The following HMGXB3 variants were observed in gnomAD, a reference collection of about 807,000 sequenced individuals.
HMGXB3 encodes HMG-box containing 3.
HMGXB3 carries 45 observed loss-of-function variants against 121.5 expected under a neutral mutation model. That is an observed-to-expected ratio of 0.37 (90% CI 0.29 to 0.47). The LOEUF is 0.47. HMGXB3 is among the 20% of genes least tolerant of loss of function. The pLI, the probability that HMGXB3 is intolerant of heterozygous loss-of-function variation, is 0.99. For synonymous variants in HMGXB3, 590 were observed against 624.1 expected (o/e 0.95, Z 0.81); for missense variants, 1,376 against 1,602.2 (o/e 0.86, Z 2.41).
rs1755657095 is a variant in HMGXB3, at chr5:150,004,800, C to T, written c.-2-51C>T. 2.3e-6 allele frequency: 3 copies of T among 1,295,588 alleles called. No homozygotes were observed. In the Admixed American group the frequency reaches 7.0e-5, roughly 30 times the overall value. The allele number at this position is 1,295,588 out of a possible 1,614,324, so 80.3% of individuals were successfully genotyped here. A position where few individuals can be genotyped will look rare whatever the true frequency, so the allele number is the denominator to read the frequency against. ...GGTTATTTGATCAGGAAGCTGCTGC[C>T]CCTCTTAGGGGAGATTCTGGAAACT... On this transcript the variant is annotated intron_variant, in intron 1 of 19. Transcript: ENST00000502717.
intron 7 of HMGXB3, among the ~76,000 whole-genome samples, chr5:150,026,138 C>CTT (rs60537571): frequency 2.0e-5 from 3 of 151,962 alleles, no homozygotes; most frequent in Admixed American, 6.6e-5. Context: ...CCCCATCTTG[C>CTT]TTTTTTTAAA....
At chr5:150,018,514 A>G in intron 5 of HMGXB3, 52 bp from the exon 6 acceptor site, 1 of 1,411,184 alleles carries the variant, frequency 7.1e-7, no homozygotes, top group Admixed American at 2.7e-5. Context: ...TATAGTGGTC[A>G]TCAGTCTGAG....
intron 16 of HMGXB3, among the ~76,000 whole-genome samples, chr5:150,047,239 C>G (rs1056955318): frequency 6.6e-6 from 1 of 152,112 alleles, no homozygotes. Context: ...TTCTCTTGTG[C>G]TAGCCAGGTT....
At chr5:150,038,237 G>A (rs1175992230) in intron 13 of HMGXB3, among the ~76,000 whole-genome samples, 3 of 152,156 alleles carry the variant, frequency 2.0e-5, no homozygotes, top group African/African-American at 4.8e-5. Flanking sequence ...AGTTTTGTTT[G>A]TAGAATTGAG....
intron 9 of HMGXB3, among the ~76,000 whole-genome samples, chr5:150,027,458 C>A (rs1313440106): frequency 6.6e-6 from 1 of 152,156 alleles, no homozygotes; most frequent in East Asian, 1.9e-4. Flanking sequence ...GTCCCCCCAC[C>A]ATATGTGGGT....
intron 5 of HMGXB3, chr5:150,015,283 T>C (rs185327552): frequency 3.1e-3 from 495 of 161,188 alleles, no homozygotes; most frequent in Non-Finnish European, 3.4e-3. Flanking sequence ...AAAACCTTTC[T>C]TTTCTTTTCT....
At chr5:150,020,596 C>CT (rs556921292) in intron 6 of HMGXB3, among the ~76,000 whole-genome samples, 17 of 148,788 alleles carry the variant, frequency 1.1e-4, no homozygotes, top group South Asian at 2.2e-4. Context: ...TTTGAAATAA[C>CT]TTTTTTTTTT....
At chr5:150,025,097 A>G (rs1756196155) in intron 7 of HMGXB3, among the ~76,000 whole-genome samples, 1 of 152,162 alleles carries the variant, frequency 6.6e-6, no homozygotes, top group Non-Finnish European at 1.5e-5. Flanking sequence ...GACTTTGGGC[A>G]TTGTCACTTC....
chr5:150,001,411 G>T (rs1257798453), intron 1 of HMGXB3, among the ~76,000 whole-genome samples: 1 of 152,242 alleles, frequency 6.6e-6, no homozygotes, highest in Non-Finnish European at 1.5e-5. Context: ...AAAGGAGCTA[G>T]CCCAGAGTCA....
chr5:150,018,050 G>A (rs1401403567), intron 5 of HMGXB3, among the ~76,000 whole-genome samples: 2 of 152,108 alleles, frequency 1.3e-5, no homozygotes, highest in East Asian at 1.9e-4. Flanking sequence ...CAGGTCCTTG[G>A]TTGTCTGAAG....
chr5:150,018,496 G>T (rs1756009440), intron 5 of HMGXB3, 70 bp from the exon 6 acceptor site: 1 of 1,278,398 alleles, frequency 7.8e-7, no homozygotes, highest in Admixed American at 3.3e-5. Flanking sequence ...TCCTGGTGTT[G>T]CTGTGATTAT....
chr5:150,012,367 G>A lies in HMGXB3; in HGVS notation c.909+14G>A. ...TCCATCAAACTGGTCAGTACTGTAT[G>A]TGGGGGATTGATGGCAATTAGGGTG... On this transcript the variant is annotated intron_variant, in intron 5 of 19. Transcript: ENST00000502717. 6.6e-7 allele frequency: 1 copy of A among 1,526,300 alleles called. No individual in the cohort carries two copies. Among genetic ancestry groups the A allele is most frequent in the East Asian group, 2.5e-5 (1 of 40,802 alleles). 94.5% of individuals were successfully genotyped at this position (1,526,300 alleles called of 1,614,324 possible). A position where few individuals can be genotyped will look rare whatever the true frequency, so the allele number is the denominator to read the frequency against.
chr5:150,016,680 A>G (rs1755968217), intron 5 of HMGXB3, among the ~76,000 whole-genome samples: 1 of 152,138 alleles, frequency 6.6e-6, no homozygotes, highest in African/African-American at 2.4e-5. Context: ...ATATAGTTTC[A>G]ATATAAAAGC....
chr5:150,007,503 A>G (rs1386837279), intron 3 of HMGXB3, among the ~76,000 whole-genome samples: 2 of 152,250 alleles, frequency 1.3e-5, no homozygotes, highest in African/African-American at 4.8e-5. Context: ...CAACTACGTT[A>G]TAGCAGAACA....
intron 3 of HMGXB3, among the ~76,000 whole-genome samples, 171 bp from the exon 4 acceptor site, chr5:150,009,940 T>C (rs940148338): frequency 1.4e-4 from 21 of 152,322 alleles, no homozygotes; most frequent in Admixed American, 1.2e-3. Flanking sequence ...ATGACACTGC[T>C]GTTGACAGGG....
At chr5:150,007,822 A>G (rs1755734755) in intron 3 of HMGXB3, among the ~76,000 whole-genome samples, 1 of 152,086 alleles carries the variant, frequency 6.6e-6, no homozygotes, top group Non-Finnish European at 1.5e-5. Context: ...TAGGAGGCTG[A>G]GGTGGGAGGA....
chr5:150,049,410 A>AC (rs60226767), intron 18 of HMGXB3, among the ~76,000 whole-genome samples: 81,594 of 148,868 alleles, frequency 0.55, 24,818 homozygotes, highest in Non-Finnish European at 0.69. Flanking sequence ...TGGAACGGAA[A>AC]CCCCCCCCCT....
At chr5:150,004,413 A>G (rs17110782) in intron 1 of HMGXB3, among the ~76,000 whole-genome samples, 26,382 of 152,190 alleles carry the variant, frequency 0.17, 2,898 homozygotes, top group African/African-American at 0.29. Context: ...TTGATGAAAC[A>G]TAGGAGGAAT....
chr5:150,052,434 G>A lies in HMGXB3; in HGVS notation c.*242G>A, dbSNP rs1756944670. The A allele has an allele frequency of 5.8e-6, 3 of 521,002 alleles. No homozygotes were observed. The highest frequency in any genetic ancestry group is 3.3e-5 in the Admixed American group (1 of 30,590). The allele number at this position is 521,002 out of a possible 1,614,324, so 32.3% of individuals were successfully genotyped here. On this transcript the variant is annotated 3_prime_UTR_variant, in exon 20 of 20. Transcript: ENST00000502717. ...TTCTGGCCCCGAGAGAGCACTTGGG[G>A]GACACGGTATGTTTAATGGAGGGGA... is the stretch of plus-strand genomic sequence containing the variant.
Sources: allele counts gnomAD v4.1 joint callset (sites outside exome capture counted in the v4.1 genomes callset), GRCh38; gene constraint gnomAD v4.1.1; transcripts MANE v1.5; gene names NCBI Gene and HGNC (gene_info 2026-07-23, HGNC 2026-07-21).